Variants in PPP2R2C observed in about 807,000 individuals in gnomAD.
The protein encoded by PPP2R2C is protein phosphatase 2 regulatory subunit Bgamma.
Under a neutral mutation model 45.3 loss-of-function variants are expected in PPP2R2C, and 10 were observed. That is an observed-to-expected ratio of 0.22 (90% CI 0.14 to 0.37). The LOEUF (loss-of-function observed/expected upper bound fraction) is 0.37, where lower values mean the gene tolerates loss of function less well. Among genes scored for constraint, PPP2R2C ranks in the 10% least tolerant of loss-of-function variants. The probability of loss-of-function intolerance (pLI) is 1.00; values close to 1 mark genes in which losing one functional copy is unlikely to be tolerated. For missense variants in PPP2R2C, 308 were observed against 619.7 expected, an observed-to-expected ratio of 0.50 and a Z score of 5.34; for synonymous variants, 257 against 245.4, an observed-to-expected ratio of 1.05 and a Z score of -0.44.
At chr4:6,533,813 C>T (rs760307880) in intron 2 of PPP2R2C, among the ~76,000 whole-genome samples, 15 of 152,234 alleles carry the variant, frequency 9.9e-5, no homozygotes, top group Admixed American at 2.0e-4. Context: ...ACAGGCCCGT[C>T]GACCCGGGTG....
intron 2 of PPP2R2C, among the ~76,000 whole-genome samples, chr4:6,532,155 T>C (rs952596934): frequency 2.0e-5 from 3 of 152,200 alleles, no homozygotes; most frequent in Non-Finnish European, 4.4e-5. Flanking sequence ...ACTTGTCCTC[T>C]CTAACCTGAA....
At chr4:6,351,254 A>C (rs1712524710) in intron 5 of PPP2R2C, 1 of 539,632 alleles carries the variant, frequency 1.9e-6, no homozygotes, top group Non-Finnish European at 2.4e-6. Flanking sequence ...CAGAGGTTGC[A>C]GTGAGCTGAG....
intron 2 of PPP2R2C, among the ~76,000 whole-genome samples, chr4:6,520,274 C>G (rs1723975328): frequency 6.6e-6 from 1 of 152,082 alleles, no homozygotes; most frequent in Non-Finnish European, 1.5e-5. Context: ...AAGCGGGGCT[C>G]CGGCCCGGGC....
intron 2 of PPP2R2C, among the ~76,000 whole-genome samples, chr4:6,531,489 C>T (rs1318018505): frequency 6.6e-6 from 1 of 152,072 alleles, no homozygotes; most frequent in African/African-American, 2.4e-5. Context: ...GCCCAGATAA[C>T]GCCCCTCCAA....
chr4:6,344,215 AGTG>A (rs930935693), intron 6 of PPP2R2C, among the ~76,000 whole-genome samples: 7 of 152,194 alleles, frequency 4.6e-5, no homozygotes, highest in African/African-American at 1.7e-4. Flanking sequence ...TCCGGAGAGG[AGTG>A]GAATCTGCCG....
chr4:6,407,918 T>G (rs1000172228), intron 1 of PPP2R2C, among the ~76,000 whole-genome samples: 8 of 152,236 alleles, frequency 5.3e-5, no homozygotes, highest in African/African-American at 1.9e-4. Flanking sequence ...GGATGTATGG[T>G]AAGCATAAAA....
intron 1 of PPP2R2C, among the ~76,000 whole-genome samples, chr4:6,394,711 G>A (rs1716900133): frequency 6.6e-6 from 1 of 152,220 alleles, no homozygotes; most frequent in Admixed American, 6.5e-5. Flanking sequence ...CAGATGGCCT[G>A]GCTGGCTTCT....
In PPP2R2C at chr4:6,330,362, G is replaced by A. The variant is rs932049645; in HGVS notation, c.961-1009C>T. Among the ~76,000 whole-genome samples the A allele has an allele frequency of 3.3e-5, 5 of 152,210 alleles. No homozygotes were observed. The highest frequency in any genetic ancestry group is 5.9e-5 in the Non-Finnish European group (4 of 68,032). On this transcript the variant is annotated intron_variant, in intron 7 of 8. Transcript: ENST00000382599. This position sits in a 1 kb window ranked among gnomAD's most constrained non-coding sequence, Gnocchi z 7.0. ...AGAAAATGTGAAGGGTGGTGTGAACGTCAATTTCGTGTGTCAGCTTGGCTG... is the reference window on the plus strand; with the variant it reads ...AGAAAATGTGAAGGGTGGTGTGAACATCAATTTCGTGTGTCAGCTTGGCTG...
At chr4:6,500,976 C>A (rs971052566) in intron 2 of PPP2R2C, among the ~76,000 whole-genome samples, 7 of 152,246 alleles carry the variant, frequency 4.6e-5, no homozygotes, top group African/African-American at 1.7e-4. Flanking sequence ...CCTCTCTGGG[C>A]AAGACGGCAG....
At chr4:6,472,903 AG>A (rs1488001935), upstream of PPP2R2C, among the ~76,000 whole-genome samples, 1 of 151,864 alleles carries the variant, frequency 6.6e-6, no homozygotes, top group East Asian at 1.9e-4. Flanking sequence ...GGTGCTGGGA[AG>A]GGGGCAGGAG....
intron 2 of PPP2R2C, among the ~76,000 whole-genome samples, chr4:6,483,133 AGATAGATAGATT>A (rs56053371): frequency 0.31 from 41,842 of 133,188 alleles, 6,405 homozygotes; most frequent in East Asian, 0.38. Context: ...ATAGATAGAT[AGATAGATAGATT>A]GATTGATTGA....
chr4:6,352,319 G>A (rs898873365), intron 5 of PPP2R2C, among the ~76,000 whole-genome samples: 1 of 152,096 alleles, frequency 6.6e-6, no homozygotes, highest in East Asian at 1.9e-4. Flanking sequence ...TCTGCAAAAT[G>A]AGGGCCTGGG....
At chr4:6,550,858 C>T (rs997287006) in intron 1 of PPP2R2C, among the ~76,000 whole-genome samples, 2 of 152,206 alleles carry the variant, frequency 1.3e-5, no homozygotes, top group African/African-American at 4.8e-5. Flanking sequence ...GTTGCCCAGG[C>T]TGATCTTGAA....
At chr4:6,404,906 C>T (rs1033793581) in intron 1 of PPP2R2C, among the ~76,000 whole-genome samples, 1 of 152,250 alleles carries the variant, frequency 6.6e-6, no homozygotes, top group African/African-American at 2.4e-5. Flanking sequence ...GCCCCGTGTC[C>T]TTCCACTGTG....
At chr4:6,453,909 G>C (rs938212455) in intron 1 of PPP2R2C, among the ~76,000 whole-genome samples, 3 of 152,116 alleles carry the variant, frequency 2.0e-5, no homozygotes, top group Non-Finnish European at 4.4e-5. Context: ...ACCCCCACCC[G>C]GCCCTGTTTG....
At chr4:6,347,662 A>T (rs1712119154) in intron 6 of PPP2R2C, among the ~76,000 whole-genome samples, 184 bp downstream of exon 6, 1 of 152,146 alleles carries the variant, frequency 6.6e-6, no homozygotes, top group Non-Finnish European at 1.5e-5. Flanking sequence ...GGGGGGCAGC[A>T]GGTGGCAAGA....
At chr4:6,404,644 A>T (rs1390387393) in intron 1 of PPP2R2C, among the ~76,000 whole-genome samples, 2 of 129,692 alleles carry the variant, frequency 1.5e-5, no homozygotes, top group East Asian at 8.0e-4. Context: ...TGAGTTGCAG[A>T]GGGATGCTGG....
intron 1 of PPP2R2C, among the ~76,000 whole-genome samples, chr4:6,467,928 A>G (rs1465444585): frequency 6.6e-6 from 1 of 152,122 alleles, no homozygotes; most frequent in East Asian, 1.9e-4. Flanking sequence ...AGAGGGACCA[A>G]CTACCTGTGG....
rs556877492 is a variant in PPP2R2C at position 6,443,907 on chromosome 4, C to T, written c.70+28253G>A. Among the ~76,000 whole-genome samples, 12 of 152,304 alleles carry T rather than the reference C, an allele frequency of 7.9e-5. 1 individual carries two copies. The South Asian group carries it at 2.3e-3, about 29-fold the overall frequency. ...CAACGAAGCAAGTGCTAGGCAGCTC[C>T]AACACAGCAGCAGCCCAGCAGCCCA... On this transcript the variant is annotated intron_variant, in intron 1 of 8. Transcript: ENST00000382599.
Sources: gnomAD v4.1 joint callset for allele counts (sites outside exome capture counted in the v4.1 genomes callset) on GRCh38, gnomAD v4.1.1 for gene constraint, Gnocchi (gnomAD v3.1) non-coding constraint, MANE v1.5 for transcripts, NCBI Gene and HGNC (gene_info 2026-07-23, HGNC 2026-07-21) for gene names.